The following ZMAT4 variants were observed in gnomAD, a reference collection of about 807,000 sequenced individuals.
The protein encoded by ZMAT4 is zinc finger matrin-type protein 4.
In ZMAT4, 17 loss-of-function variants were observed where a neutral mutation model predicts 28.7. The observed-to-expected ratio is 0.59, with a 90% CI of 0.41 to 0.89. ZMAT4 has a LOEUF of 0.89. Among genes scored for constraint, ZMAT4 ranks in the 40% least tolerant of loss-of-function variants. The pLI, the probability that ZMAT4 is intolerant of heterozygous loss-of-function variation, is 0.00. For missense variants in ZMAT4, 240 were observed against 283.8 expected, an observed-to-expected ratio of 0.85 and a Z score of 1.11; for synonymous variants, 117 against 109.2, an observed-to-expected ratio of 1.07 and a Z score of -0.44.
chr8:40,844,229 C>T (rs970867514), intron 1 of ZMAT4, among the ~76,000 whole-genome samples: 1 of 152,048 alleles, frequency 6.6e-6, no homozygotes, highest in Non-Finnish European at 1.5e-5. Context: ...TAAGGGATGC[C>T]CAGAGAGCTG....
chr8:40,663,146 T>C (rs1025646235), intron 5 of ZMAT4, among the ~76,000 whole-genome samples: 3 of 152,148 alleles, frequency 2.0e-5, no homozygotes, highest in African/African-American at 7.2e-5. Flanking sequence ...CTTACCTTCA[T>C]CTAACCCAAG....
intron 5 of ZMAT4, among the ~76,000 whole-genome samples, chr8:40,643,649 C>T (rs2599658): frequency 0.48 from 72,620 of 151,708 alleles, 18,851 homozygotes; most frequent in Non-Finnish European, 0.59. Context: ...TTGTACAGAG[C>T]CCGGTGGAGA....
chr8:40,682,095 T>C (rs1221798911), intron 4 of ZMAT4, among the ~76,000 whole-genome samples: 2 of 152,128 alleles, frequency 1.3e-5, no homozygotes, highest in Non-Finnish European at 2.9e-5. Flanking sequence ...ATCTTAGTAA[T>C]AGGTGTTTCT....
At chr8:40,589,637 A>G (rs191872898) in intron 5 of ZMAT4, among the ~76,000 whole-genome samples, 31 of 152,248 alleles carry the variant, frequency 2.0e-4, no homozygotes, top group African/African-American at 7.0e-4. Context: ...TGACAAGCAG[A>G]ATTGATCTTT....
At chr8:40,657,970 A>G (rs1378307445) in intron 5 of ZMAT4, among the ~76,000 whole-genome samples, 2 of 152,182 alleles carry the variant, frequency 1.3e-5, no homozygotes, top group Non-Finnish European at 2.9e-5. Context: ...AATTTTTAAA[A>G]ATATTTTTCT....
rs1284232574 is a variant in ZMAT4, at chr8:40,532,065, T to C, written c.*158A>G. ...AGGAAAAAGAAAAAAGAAACCTCAT[T>C]CATTTCCAAAAATCAAGATCAGTCG... On this transcript the variant is annotated 3_prime_UTR_variant, in exon 7 of 7. Coordinates refer to ENST00000297737, the MANE Select transcript of ZMAT4 (RefSeq NM_024645.3). The C allele has an allele frequency of 3.5e-6, 2 of 573,502 alleles. No individual in the cohort carries two copies. The highest frequency in any genetic ancestry group is 5.4e-6 in the Non-Finnish European group (2 of 372,994). The allele number at this position is 573,502 out of a possible 1,614,324, so 35.5% of individuals were successfully genotyped here.
intron 6 of ZMAT4, among the ~76,000 whole-genome samples, chr8:40,548,688 C>A (rs1323644822): frequency 2.0e-5 from 3 of 152,074 alleles, no homozygotes; most frequent in African/African-American, 7.2e-5. Context: ...AGATTCACTC[C>A]ACACATCTGC....
intron 1 of ZMAT4, among the ~76,000 whole-genome samples, chr8:40,858,586 C>T (rs773153766): frequency 2.6e-5 from 4 of 152,174 alleles, no homozygotes; most frequent in Non-Finnish European, 2.9e-5. Flanking sequence ...AGATTCAATG[C>T]CTTGACCCAG....
intron 5 of ZMAT4, among the ~76,000 whole-genome samples, chr8:40,644,180 T>G (rs1248390055): frequency 6.6e-6 from 1 of 152,112 alleles, no homozygotes; most frequent in African/African-American, 2.4e-5. Flanking sequence ...AAAAAATATT[T>G]GAAGGGAAAG....
chr8:40,662,741 T>C (rs1010578543), intron 5 of ZMAT4, among the ~76,000 whole-genome samples: 1 of 152,214 alleles, frequency 6.6e-6, no homozygotes, highest in African/African-American at 2.4e-5. Flanking sequence ...TTACTCATGT[T>C]ACTCATTACA....
intron 5 of ZMAT4, among the ~76,000 whole-genome samples, chr8:40,645,957 CT>C (rs1342198504): frequency 6.6e-6 from 1 of 151,910 alleles, no homozygotes; most frequent in Non-Finnish European, 1.5e-5. Context: ...TCATAATCTC[CT>C]TATTGTGAGT....
intron 4 of ZMAT4, 59 bp downstream of exon 4, chr8:40,697,186 C>T (rs527705489): frequency 3.6e-5 from 53 of 1,483,218 alleles, no homozygotes; most frequent in Non-Finnish European, 4.6e-5. Flanking sequence ...GCATGATCTG[C>T]AAGACAGGCC....
In ZMAT4 at chr8:40,583,890, G is replaced by A. The variant is rs1190754702; in HGVS notation, c.578-2629C>T. On this transcript the variant is annotated intron_variant, in intron 5 of 6. Coordinates refer to ENST00000297737, the MANE Select transcript of ZMAT4 (RefSeq NM_024645.3). ...GAATTTAGTCTGGCTCAGCAAATGTGCATTTTTACATCAACAGTAGGGTAG... is the reference window on the plus strand; with the variant it reads ...GAATTTAGTCTGGCTCAGCAAATGTACATTTTTACATCAACAGTAGGGTAG... Among the ~76,000 whole-genome samples, 3 of 152,124 alleles carry A rather than the reference G, an allele frequency of 2.0e-5. No individual in the cohort carries two copies. The East Asian group carries it at 5.8e-4, about 29-fold the overall frequency.
chr8:40,784,000 A>T (rs913628859), intron 2 of ZMAT4, among the ~76,000 whole-genome samples: 3 of 152,136 alleles, frequency 2.0e-5, no homozygotes, highest in African/African-American at 7.2e-5. Flanking sequence ...AACAAGAGCG[A>T]AACTCCATCT....
intron 5 of ZMAT4, among the ~76,000 whole-genome samples, chr8:40,621,083 C>T (rs922361237): frequency 2.0e-5 from 3 of 152,144 alleles, no homozygotes; most frequent in African/African-American, 7.2e-5. Context: ...GCCCTTCTAG[C>T]CTAACAAGAG....
intron 5 of ZMAT4, among the ~76,000 whole-genome samples, chr8:40,583,832 T>A (rs1016662879): frequency 3.9e-5 from 6 of 152,190 alleles, no homozygotes; most frequent in Non-Finnish European, 7.3e-5. Context: ...GCTGCATTCT[T>A]TTGAGTCCTT....
intron 1 of ZMAT4, among the ~76,000 whole-genome samples, chr8:40,843,454 G>C (rs1195394108): frequency 2.0e-5 from 3 of 152,198 alleles, no homozygotes; most frequent in African/African-American, 7.2e-5. Context: ...CTGGAATGGA[G>C]CTGAGGAAGA....
intron 1 of ZMAT4, among the ~76,000 whole-genome samples, chr8:40,843,117 G>A (rs1816759101): frequency 6.6e-6 from 1 of 152,218 alleles, no homozygotes; most frequent in Non-Finnish European, 1.5e-5. Context: ...AGCATCTGTA[G>A]CTCTGAAATG....
intron 1 of ZMAT4, among the ~76,000 whole-genome samples, chr8:40,878,218 G>A (rs542090027): frequency 6.6e-6 from 1 of 152,272 alleles, no homozygotes; most frequent in African/African-American, 2.4e-5. Flanking sequence ...TCGAGGGGTG[G>A]CCTGAAACAT....
Sources: gnomAD v4.1 joint callset for allele counts (sites outside exome capture counted in the v4.1 genomes callset) on GRCh38, gnomAD v4.1.1 for gene constraint, MANE v1.5 for transcripts, NCBI Gene and HGNC (gene_info 2026-07-23, HGNC 2026-07-21) for gene names.